Variants in USHBP1 observed in about 807,000 individuals in gnomAD.
USHBP1 encodes harmonin-binding protein USHBP1.
In USHBP1, 67 loss-of-function variants were observed where a neutral mutation model predicts 76.2. The ratio of observed to expected loss-of-function variants is 0.88; its 90% CI spans 0.72 to 1.08. USHBP1 has a LOEUF of 1.08. Among genes scored for constraint, USHBP1 ranks in the 50% least tolerant of loss-of-function variants. The pLI, the probability that USHBP1 is intolerant of heterozygous loss-of-function variation, is 0.00. For missense variants in USHBP1, 931 were observed against 915.0 expected (o/e 1.02, Z -0.23); for synonymous variants, 322 against 362.2 (o/e 0.89, Z 1.26).
At position 17,264,133 on chromosome 19, in the gene USHBP1, C is replaced by T; in HGVS notation, c.72G>A (p.Val24=). 6.2e-7 allele frequency: 1 copy of T among 1,613,790 alleles called. No individual in the cohort carries two copies. The highest frequency in any genetic ancestry group is 8.5e-7 in the Non-Finnish European group (1 of 1,179,762). ...RHAPPGELDP[V]AESSEEVEAA... ...CCTCGACCTCCTCTGAACTCTCAGC[C>T]ACGGGATCCAGTTCACCCTGCAAAT... Residue 24 remains valine (V), a synonymous_variant, in exon 3 of 13, where the codon GTG becomes GTA. Transcript: ENST00000252597.
Position 17,255,405 on chromosome 19 carries a change from C to A in USHBP1, c.1672G>T (p.Asp558Tyr), listed in dbSNP as rs183684927. The A allele has an allele frequency of 1.9e-6, 3 of 1,614,074 alleles. No homozygotes were observed. The East Asian group carries it at 6.7e-5, about 36-fold the overall frequency. ...CTCACCTGATACCACTCTTCCTCGT[C>A]CCCGCTGCTGCCACCTCCGCTGCTA... ...GHSSGGGSSG[D>Y]EEEWYQGLPA... The change falls in exon 10 of 13, where the codon GAC (aspartate) becomes TAC (tyrosine). Residue 558 changes from aspartate to tyrosine, a missense_variant. Transcript: ENST00000252597.
chr19:17,259,196 G>A (rs987582737), intron 7 of USHBP1, 93 bp downstream of exon 7: 2 of 1,485,012 alleles, frequency 1.3e-6, no homozygotes, highest in Admixed American at 4.8e-5. Flanking sequence ...AAGTGGGGAA[G>A]GTGCTCTCCA....
Position 17,264,712 on chromosome 19 carries a change from C to A in USHBP1, c.-90G>T. On this transcript the variant is annotated 5_prime_UTR_variant, in exon 1 of 13. Transcript: ENST00000252597. ...GGGTAACTTGATCAGAGGCCTGAGT[C>A]CCGGGACACTCTGTTGGGGTCACTC... 4.8e-6 allele frequency: 1 copy of A among 207,318 alleles called. No homozygotes were observed. The highest frequency in any genetic ancestry group is 9.8e-6 in the Non-Finnish European group (1 of 101,548). 12.8% of individuals were successfully genotyped at this position (207,318 alleles called of 1,614,324 possible).
intron 4 of USHBP1, 87 bp from the exon 5 acceptor site, chr19:17,260,109 C>G: frequency 6.8e-7 from 1 of 1,476,026 alleles, no homozygotes; most frequent in Non-Finnish European, 9.0e-7. Context: ...GGGGAAGTGG[C>G]AAGAACCCTA....
chr19:17,264,268 C>T lies in USHBP1; in HGVS notation c.32G>A (p.Arg11Gln), dbSNP rs140815152. The change falls in exon 2 of 13, where the codon CGG becomes CAG. Residue 11 changes from arginine (R) to glutamine (Q), a missense_variant. Transcript: ENST00000252597. MSARATRPRS[R>Q]RGRHAPPGEL... Reference sequence around the variant, plus strand: ...TACGGGTGGAGCATGCCTCCCTCGCCGGCTTCGGGGCCGCGTGGCCCGGGC... The same window carrying T: ...TACGGGTGGAGCATGCCTCCCTCGCTGGCTTCGGGGCCGCGTGGCCCGGGC... 2.0e-5 allele frequency: 32 copies of T among 1,613,578 alleles called. No individual in the cohort carries two copies. Among genetic ancestry groups the T allele is most frequent in the Middle Eastern group, 1.7e-4 (1 of 5,960 alleles).
At position 17,262,860 on chromosome 19, in the gene USHBP1, C is replaced by CA. The variant is rs747693718; in HGVS notation, c.333dup (p.Gly112TrpfsTer78). 1.4e-5 allele frequency: 23 copies of CA among 1,612,982 alleles called. No individual in the cohort carries two copies. Among genetic ancestry groups the CA allele is most frequent in the Non-Finnish European group, 1.9e-5 (22 of 1,179,224 alleles). On this transcript the variant is annotated frameshift_variant, in exon 4 of 13. Coordinates refer to ENST00000252597, the MANE Select transcript of USHBP1 (RefSeq NM_031941.4). LOFTEE classifies it high-confidence loss of function. ...TGAAACACATCGGGGGCCCCATTCC[C>CA]AGGGGGCACAGTCTCCTTGTACTGT...
rs367805676 is a variant in USHBP1 at position 17,260,039 on chromosome 19, G to C, written c.643-17C>G. 9.9e-6 allele frequency: 16 copies of C among 1,609,170 alleles called. No homozygotes were observed. The African/African-American group carries it at 2.1e-4, about 22-fold the overall frequency. ...CTCTTGAACCTGGGAAAGATGAGGG[G>C]GACGTCAGGCCTAGGGGCTCAAACC... On this transcript the variant is annotated splice_polypyrimidine_tract_variant and intron_variant, in intron 4 of 12. Transcript: ENST00000252597.
At position 17,250,364 on chromosome 19, in the gene USHBP1, C is replaced by T. The variant is rs755412167; in HGVS notation, c.1973G>A (p.Arg658His). The change falls in exon 13 of 13, where the codon CGC becomes CAC. Residue 658 changes from arginine (R) to histidine (H), a missense_variant. Coordinates refer to ENST00000252597, the MANE Select transcript of USHBP1 (RefSeq NM_031941.4). ...TGCCATCTGCTGCTCCAACTTCCGG[C>T]GTTGCTCTTCCTGCTTCCGGTGGGC... ...RGAHRKQEEQ[R>H]RKLEQQMALM... 31 of 1,613,600 alleles carry T rather than the reference C, an allele frequency of 1.9e-5. No individual in the cohort carries two copies. The Admixed American group carries it at 3.7e-4, about 19-fold the overall frequency.
chr19:17,254,639 A>G (rs901715619), intron 10 of USHBP1, among the ~76,000 whole-genome samples: 1 of 151,538 alleles, frequency 6.6e-6, no homozygotes, highest in Non-Finnish European at 1.5e-5. Flanking sequence ...CTGGGCAACA[A>G]GAGCAAAACT....
At chr19:17,260,135 G>A in intron 4 of USHBP1, 113 bp from the exon 5 acceptor site, 1 of 1,367,394 alleles carries the variant, frequency 7.3e-7, no homozygotes. Context: ...AAGGCAAGAG[G>A]CTTGGATACT....
chr19:17,262,634 A>G lies in USHBP1; in HGVS notation c.560T>C (p.Leu187Pro), dbSNP rs755836894. Residue 187 changes from leucine to proline, a missense_variant, in exon 4 of 13, where the codon CTG becomes CCG. By Grantham distance (98) the Leu-to-Pro change is moderately conservative. Transcript: ENST00000252597. ...AERNAWLRLALSSREDELVRT... is the reference protein window; with the variant it reads ...AERNAWLRLAPSSREDELVRT... ...GACCAGCTCATCCTCTCGGCTACTC[A>G]GGGCCAGCCGGAGCCAGGCATTCCT... The G allele has an allele frequency of 1.3e-5, 21 of 1,613,666 alleles. No homozygotes were observed. The South Asian group carries it at 2.2e-4, about 17-fold the overall frequency.
intron 10 of USHBP1, 146 bp from the exon 11 acceptor site, chr19:17,252,163 A>C: frequency 1.4e-6 from 1 of 719,732 alleles, no homozygotes; most frequent in Non-Finnish European, 2.3e-6. Context: ...TAAGAGCAAA[A>C]TTATACTCTG....
At chr19:17,257,432 C>G (rs1011266165) in intron 8 of USHBP1, among the ~76,000 whole-genome samples, 1 of 149,902 alleles carries the variant, frequency 6.7e-6, no homozygotes, top group African/African-American at 2.4e-5. Flanking sequence ...CACCTGAGGT[C>G]AGGAGTTCGA....
intron 8 of USHBP1, 95 bp downstream of exon 8, chr19:17,258,117 C>A: frequency 6.4e-7 from 1 of 1,567,548 alleles, no homozygotes; most frequent in Non-Finnish European, 8.7e-7. Context: ...CACAGCCACA[C>A]CAAGCCCCGA....
intron 4 of USHBP1, among the ~76,000 whole-genome samples, chr19:17,260,806 C>T (rs1052154401): frequency 1.3e-5 from 2 of 152,154 alleles, no homozygotes; most frequent in Non-Finnish European, 1.5e-5. Context: ...TCACCCCCAG[C>T]CAAACCTGCC....
intron 10 of USHBP1, among the ~76,000 whole-genome samples, chr19:17,254,279 G>A (rs1456060205): frequency 6.7e-6 from 1 of 149,994 alleles, no homozygotes; most frequent in African/African-American, 2.5e-5. Flanking sequence ...CCCGGGAGGC[G>A]GAGCTTGCAG....
At chr19:17,260,130 A>G in intron 4 of USHBP1, 108 bp from the exon 5 acceptor site, 3 of 1,412,212 alleles carry the variant, frequency 2.1e-6, no homozygotes, top group Non-Finnish European at 1.9e-6. Flanking sequence ...GCTGGAAGGC[A>G]AGAGGCTTGG....
At chr19:17,254,001 A>C (rs1035021567) in intron 10 of USHBP1, among the ~76,000 whole-genome samples, 3 of 151,782 alleles carry the variant, frequency 2.0e-5, no homozygotes, top group Non-Finnish European at 2.9e-5. Context: ...TGAGGTCAGG[A>C]GTTCTACACC....
intron 8 of USHBP1, among the ~76,000 whole-genome samples, chr19:17,257,614 C>T (rs1285112626): frequency 5.5e-5 from 8 of 145,800 alleles, no homozygotes; most frequent in African/African-American, 2.0e-4. Flanking sequence ...TGGACTCTAG[C>T]CTGGGCGACA....
Sources: gnomAD v4.1 joint callset for allele counts (sites outside exome capture counted in the v4.1 genomes callset) on GRCh38, gnomAD v4.1.1 for gene constraint, MANE v1.5 for transcripts, NCBI Gene and HGNC (gene_info 2026-07-23, HGNC 2026-07-21) for gene names.